PCSK6: variants seen among roughly 807,000 people sequenced by gnomAD.
The protein encoded by PCSK6 is paired basic amino acid cleaving enzyme 4.
PCSK6 carries 85 observed loss-of-function variants against 123.3 expected under a neutral mutation model. The observed-to-expected ratio is 0.69, with a 90% confidence interval of 0.58 to 0.83. PCSK6 has a LOEUF of 0.83. PCSK6 is among the 40% of genes least tolerant of loss of function. The pLI is 0.00. For missense variants in PCSK6, 1,191 were observed against 1,282.3 expected (o/e 0.93, Z 1.09); for synonymous variants, 508 against 516.0 (o/e 0.98, Z 0.21).
chr15:101,366,403 A>G (rs778991629), intron 12 of PCSK6, 71 bp from the exon 13 acceptor site: 13 of 1,509,858 alleles, frequency 8.6e-6, no homozygotes, highest in African/African-American at 2.8e-5. Flanking sequence ...GGCTGGCACA[A>G]GCAGGGCTCT....
chr15:101,350,605 C>T (rs938785387), intron 13 of PCSK6, among the ~76,000 whole-genome samples: 10 of 152,120 alleles, frequency 6.6e-5, no homozygotes, highest in African/African-American at 2.2e-4. Context: ...GCAATTAGAC[C>T]GGGGGGCCTC....
At chr15:101,413,844 A>G (rs1202817977) in intron 6 of PCSK6, among the ~76,000 whole-genome samples, 1 of 123,292 alleles carries the variant, frequency 8.1e-6, no homozygotes, top group African/African-American at 3.3e-5. Context: ...AAGAAAAAAG[A>G]GGCAATTTCT....
chr15:101,449,839 C>A (rs1004301286), intron 1 of PCSK6, among the ~76,000 whole-genome samples: 6 of 152,164 alleles, frequency 3.9e-5, no homozygotes, highest in Admixed American at 1.3e-4. Context: ...TCCTTCCAGG[C>A]TCAGCTCAGC....
At chr15:101,320,179 A>G (rs1335186735) in intron 18 of PCSK6, among the ~76,000 whole-genome samples, 1 of 152,162 alleles carries the variant, frequency 6.6e-6, no homozygotes, top group Non-Finnish European at 1.5e-5. Flanking sequence ...TCCGCCTCCC[A>G]GGTTCAAGCG....
At chr15:101,446,848 T>A (rs1207033227) in intron 1 of PCSK6, among the ~76,000 whole-genome samples, 1 of 152,042 alleles carries the variant, frequency 6.6e-6, no homozygotes, top group Non-Finnish European at 1.5e-5. Flanking sequence ...CTCTGAGACG[T>A]GCTTTTTCCA....
intron 20 of PCSK6, chr15:101,308,736 C>T (rs1361890552): frequency 6.6e-6 from 1 of 152,250 alleles, no homozygotes; most frequent in Non-Finnish European, 1.5e-5. Context: ...ATCATGCTGC[C>T]CCCTCCCCAC....
At chr15:101,463,458 T>C (rs2057384167) in intron 1 of PCSK6, among the ~76,000 whole-genome samples, 1 of 152,210 alleles carries the variant, frequency 6.6e-6, no homozygotes, top group Non-Finnish European at 1.5e-5. Context: ...TCCTGGTGGT[T>C]TCTCTGAACT....
chr15:101,393,432 G>C lies in PCSK6; in HGVS notation c.997-8C>G. On this transcript the variant is annotated splice_region_variant and splice_polypyrimidine_tract_variant and intron_variant, in intron 7 of 21. Transcript: ENST00000611716. ...GCCCAGGCCCTGCCGGCCCTGGAGG[G>C]ACAAGAGGAACAAGGCTTAGCCCCG... 1 of 1,600,288 alleles carries C rather than the reference G, an allele frequency of 6.2e-7. No individual in the cohort carries two copies. Among genetic ancestry groups the C allele is most frequent in the South Asian group, 1.1e-5 (1 of 89,810 alleles).
chr15:101,347,494 G>A (rs987816385), intron 13 of PCSK6: 15 of 1,321,690 alleles, frequency 1.1e-5, no homozygotes, highest in Non-Finnish European at 1.5e-5. Flanking sequence ...AGTATGTACA[G>A]CTGAAGACAG....
At chr15:101,357,436 A>G (rs2041075400) in intron 13 of PCSK6, among the ~76,000 whole-genome samples, 1 of 152,178 alleles carries the variant, frequency 6.6e-6, no homozygotes, top group Non-Finnish European at 1.5e-5. Flanking sequence ...CCCGGCCTCT[A>G]GAGCTCTGAA....
intron 1 of PCSK6, among the ~76,000 whole-genome samples, chr15:101,450,470 C>T (rs1233730485): frequency 1.3e-5 from 2 of 152,220 alleles, no homozygotes; most frequent in African/African-American, 4.8e-5. Context: ...GCCCTGTATG[C>T]CCAGACATGG....
At chr15:101,367,851 C>G (rs2041447936) in intron 12 of PCSK6, among the ~76,000 whole-genome samples, 1 of 152,194 alleles carries the variant, frequency 6.6e-6, no homozygotes, top group Non-Finnish European at 1.5e-5. Flanking sequence ...TTGAGACAGA[C>G]TCTCTTTCTG....
chr15:101,325,416 C>T (rs1410178104), intron 16 of PCSK6, among the ~76,000 whole-genome samples: 5 of 152,198 alleles, frequency 3.3e-5, no homozygotes, highest in Admixed American at 2.6e-4. Flanking sequence ...AGCAGGGTGA[C>T]AGCCTTTGCA....
intron 6 of PCSK6, among the ~76,000 whole-genome samples, chr15:101,409,448 G>A (rs906389799): frequency 6.6e-5 from 10 of 152,090 alleles, no homozygotes; most frequent in Admixed American, 2.0e-4. Context: ...AGCCGGGCGC[G>A]GTGGCGGGCG....
intron 6 of PCSK6, among the ~76,000 whole-genome samples, chr15:101,404,952 T>C (rs1469439110): frequency 6.6e-6 from 1 of 152,170 alleles, no homozygotes; most frequent in Non-Finnish European, 1.5e-5. Context: ...CAAAAATACA[T>C]AAAAACATAT....
At position 101,438,592 on chromosome 15, in the gene PCSK6, G is replaced by A. The variant is rs73483117; in HGVS notation, c.402+4964C>T. ...CAAGTTCCTCTCTCCCGAGGCATCCGCACAGCAGCGTCAGTCCGCCTTCCC... is the reference window on the plus strand; with the variant it reads ...CAAGTTCCTCTCTCCCGAGGCATCCACACAGCAGCGTCAGTCCGCCTTCCC... On this transcript the variant is annotated intron_variant, in intron 2 of 21. Coordinates refer to ENST00000611716, the MANE Select transcript of PCSK6 (RefSeq NM_002570.5). 4.2e-3 allele frequency among the ~76,000 whole-genome samples: 637 copies of A among 152,268 alleles called. 10 individuals carry two copies. The highest frequency in any genetic ancestry group is 0.015 in the African/African-American group (605 of 41,534).
chr15:101,398,147 G>T lies in PCSK6; in HGVS notation c.996+257C>A, dbSNP rs2042471222. ...ATGGGCAAACTCCAAGGCAGAGAGG[G>T]TCGTGCTAGCAGTGGCCACCTGGCT... On this transcript the variant is annotated intron_variant, in intron 7 of 21. Coordinates refer to ENST00000611716, the MANE Select transcript of PCSK6 (RefSeq NM_002570.5). This position sits in a 1 kb window ranked among gnomAD's most constrained non-coding sequence, Gnocchi z 4.6. Among the ~76,000 whole-genome samples, 1 of 152,230 alleles carries T rather than the reference G, an allele frequency of 6.6e-6. No homozygotes were observed. The highest frequency in any genetic ancestry group is 1.5e-5 in the Non-Finnish European group (1 of 68,032).
intron 13 of PCSK6, among the ~76,000 whole-genome samples, chr15:101,356,152 C>T (rs972784439): frequency 6.6e-6 from 1 of 152,212 alleles, no homozygotes; most frequent in Non-Finnish European, 1.5e-5. Context: ...TAAATGCAGC[C>T]AAACTTCTCC....
chr15:101,326,491 A>C lies in PCSK6; in HGVS notation c.2078-12T>G. On this transcript the variant is annotated splice_polypyrimidine_tract_variant and intron_variant, in intron 15 of 21. Coordinates refer to ENST00000611716, the MANE Select transcript of PCSK6 (RefSeq NM_002570.5). ...CGGATGGCACACACCTTAAAGAAAC[A>C]AGCATTGCCTTTCATCCAGAGAGAC... The C allele has an allele frequency of 6.4e-7, 1 of 1,564,892 alleles. No individual in the cohort carries two copies. The highest frequency in any genetic ancestry group is 8.7e-7 in the Non-Finnish European group (1 of 1,153,558).
Sources: gnomAD v4.1 joint callset for allele counts (sites outside exome capture counted in the v4.1 genomes callset) on GRCh38, gnomAD v4.1.1 for gene constraint, Gnocchi (gnomAD v3.1) non-coding constraint, MANE v1.5 for transcripts, NCBI Gene and HGNC (gene_info 2026-07-23, HGNC 2026-07-21) for gene names.